The following ATN1 variants were observed in gnomAD, a reference collection of about 807,000 sequenced individuals.
ATN1 encodes atrophin 1, also known as atrophin-1.
ATN1 carries 19 observed loss-of-function variants against 85.8 expected under a neutral mutation model. That is an observed-to-expected ratio of 0.22 (90% CI 0.15 to 0.32). The LOEUF is 0.32. Ranked by LOEUF, ATN1 falls within the 10% of genes least tolerant of loss-of-function variation. The pLI is 1.00. For missense variants in ATN1, 1,453 were observed against 1,564.5 expected, an observed-to-expected ratio of 0.93 and a Z score of 1.20; for synonymous variants, 674 against 657.0, an observed-to-expected ratio of 1.03 and a Z score of -0.39.
rs1373997480 is a variant in ATN1 at position 6,937,815 on chromosome 12, C to A, written c.2295-30C>A. On this transcript the variant is annotated intron_variant, in intron 5 of 9. Transcript: ENST00000396684. The surrounding 1 kb of genome is among the most constrained non-coding windows in gnomAD (Gnocchi z 6.0). ...GGCTCCATCGGGCAGCTCGCACCGCCTGAGCGCCCGCTGCTTCCACGCCCG... is the reference window on the plus strand; with the variant it reads ...GGCTCCATCGGGCAGCTCGCACCGCATGAGCGCCCGCTGCTTCCACGCCCG... The A allele has an allele frequency of 2.0e-6, 3 of 1,527,248 alleles. No homozygotes were observed. The African/African-American group carries it at 4.2e-5, about 21-fold the overall frequency. The allele number at this position is 1,527,248 out of a possible 1,614,324, so 94.6% of individuals were successfully genotyped here. A position where few individuals can be genotyped will look rare whatever the true frequency, so the allele number is the denominator to read the frequency against.
upstream of ATN1, among the ~76,000 whole-genome samples, chr12:6,924,716 T>C (rs1158946726): frequency 1.3e-5 from 2 of 151,728 alleles, no homozygotes; most frequent in African/African-American, 4.9e-5. Context: ...TTAGTTTCAG[T>C]GTGGGCATCT....
intron 7 of ATN1, among the ~76,000 whole-genome samples, chr12:6,940,007 G>A (rs1945612689): frequency 6.6e-6 from 1 of 152,248 alleles, no homozygotes; most frequent in Non-Finnish European, 1.5e-5. Flanking sequence ...TTTTGAGACG[G>A]AGTCTCGCCC....
chr12:6,930,464 C>T (rs1555142949), intron 1 of ATN1, among the ~76,000 whole-genome samples: 1 of 152,144 alleles, frequency 6.6e-6, no homozygotes, highest in Non-Finnish European at 1.5e-5. Flanking sequence ...TTCTCACTTT[C>T]CTCCCAACCC....
chr12:6,927,334 C>T (rs1314646845), upstream of ATN1, among the ~76,000 whole-genome samples: 1 of 151,970 alleles, frequency 6.6e-6, no homozygotes, highest in African/African-American at 2.4e-5. Flanking sequence ...ATCCCTCACC[C>T]CAAGCTTCTC....
In ATN1 at chr12:6,937,162, C is replaced by G. The variant is rs942966440; in HGVS notation, c.1895C>G (p.Ser632Cys). 2 of 1,611,164 alleles carry G rather than the reference C, an allele frequency of 1.2e-6. No homozygotes were observed. Among genetic ancestry groups the G allele is most frequent in the Admixed American group, 1.7e-5 (1 of 59,996 alleles). Residue 632 changes from serine to cysteine, a missense_variant, in exon 5 of 10, where the codon TCC (serine) becomes TGC (cysteine). Around this residue, in one of 6 missense-constraint regions of ATN1, gnomAD observed 990 missense variants for 914.8 expected, o/e 1.08. Coordinates refer to ENST00000396684, the MANE Select transcript of ATN1 (RefSeq NM_001940.4). This position sits in a 1 kb window ranked among gnomAD's most constrained non-coding sequence, Gnocchi z 6.0. Reference protein sequence around the residue: ...ASSPAGYKTASPPGPPPYGKR... With the variant: ...ASSPAGYKTACPPGPPPYGKR... ...TCGCCAGCAGGCTACAAAACGGCCT[C>G]CCCACCTGGGCCCCCACCGTACGGA... is the stretch of plus-strand genomic sequence containing the variant.
chr12:6,926,120 G>A (rs1331609201), upstream of ATN1, among the ~76,000 whole-genome samples: 1 of 152,202 alleles, frequency 6.6e-6, no homozygotes, highest in Admixed American at 6.5e-5. Flanking sequence ...GACTGCCAGA[G>A]GCTACCTGGA....
At position 6,935,049 on chromosome 12, in the gene ATN1, G is replaced by A. The variant is rs373404461; in HGVS notation, c.279+471G>A. Among the ~76,000 whole-genome samples the A allele has an allele frequency of 9.2e-5, 14 of 152,060 alleles. No homozygotes were observed. Among genetic ancestry groups the A allele is most frequent in the Non-Finnish European group, 1.6e-4 (11 of 68,022 alleles). ...ATTATAGGCATGAGCCACCATGCCC[G>A]GCTAATTTTTGTATTTTTGGTAGAG... On this transcript the variant is annotated intron_variant, in intron 4 of 9. Transcript: ENST00000396684. This position sits in a 1 kb window ranked among gnomAD's most constrained non-coding sequence, Gnocchi z 5.3.
chr12:6,932,834 C>T (rs1379209620), intron 1 of ATN1, among the ~76,000 whole-genome samples: 1 of 152,126 alleles, frequency 6.6e-6, no homozygotes, highest in Non-Finnish European at 1.5e-5. Flanking sequence ...GGGCTGTGTT[C>T]CTTTGTATTA....
At chr12:6,939,669 T>A (rs1555144410) in intron 7 of ATN1, among the ~76,000 whole-genome samples, 2 of 152,120 alleles carry the variant, frequency 1.3e-5, no homozygotes, top group Non-Finnish European at 2.9e-5. Flanking sequence ...ACCTGGCTAC[T>A]TTTTGTATTT....
Position 6,936,267 on chromosome 12 carries a change from G to T in ATN1, c.1000G>T (p.Ala334Ser), listed in dbSNP as rs782242861. Residue 334 changes from alanine (A) to serine (S), a missense_variant, in exon 5 of 10, where the codon GCC (alanine) becomes TCC (serine). This residue lies in a region of ATN1 where 990 missense variants were observed against 914.8 expected (regional missense o/e 1.08). Coordinates refer to ENST00000396684, the MANE Select transcript of ATN1 (RefSeq NM_001940.4). ...PLPGHLPSPH[A>S]MGQGMGGLPP... ...ACCTGGTCATCTGCCCTCTCCCCAC[G>T]CCATGGGACAGGGTATGGGTGGACT... The T allele has an allele frequency of 8.1e-6, 13 of 1,611,450 alleles. No individual in the cohort carries two copies. In the South Asian group the frequency reaches 1.3e-4, roughly 16 times the overall value.
intron 6 of ATN1, 102 bp from the exon 7 acceptor site, chr12:6,938,379 A>G (rs1305160319): frequency 2.1e-6 from 3 of 1,433,676 alleles, no homozygotes; most frequent in Non-Finnish European, 2.8e-6. Flanking sequence ...CAATGAGTTG[A>G]GGCATTTTGG....
chr12:6,939,059 G>A lies in ATN1; in HGVS notation c.3096G>A (p.Ala1032=), dbSNP rs373938571. The change falls in exon 7 of 10, where the codon GCG becomes GCA. Residue 1032 remains alanine, a synonymous_variant. Coordinates refer to ENST00000396684, the MANE Select transcript of ATN1 (RefSeq NM_001940.4). ...AGAGGCAGCACGCAGAAAGGGTGGC[G>A]GCCCTGGGCAATGACCCACTGGCCC... ...AAERQHAERV[A]ALGNDPLARL... is the part of the protein sequence containing the mutation. 3.8e-4 allele frequency: 603 copies of A among 1,605,290 alleles called. 2 individuals are homozygous for A. The highest frequency in any genetic ancestry group is 4.9e-4 in the Non-Finnish European group (577 of 1,179,962).
chr12:6,931,559 CA>C (rs1282634557), intron 1 of ATN1, among the ~76,000 whole-genome samples: 1 of 150,106 alleles, frequency 6.7e-6, no homozygotes, highest in Non-Finnish European at 1.5e-5. Context: ...ACTAAAAATA[CA>C]AAAATTAGCC....
At chr12:6,932,578 T>C (rs906357584) in intron 1 of ATN1, among the ~76,000 whole-genome samples, 1 of 152,198 alleles carries the variant, frequency 6.6e-6, no homozygotes, top group Admixed American at 6.5e-5. Context: ...GATAGACAGA[T>C]ACGGATGGAT....
Position 6,938,468 on chromosome 12 carries a change from C to G in ATN1, c.2518-13C>G, listed in dbSNP as rs200231300. The G allele has an allele frequency of 1.9e-5, 30 of 1,593,612 alleles. No individual in the cohort carries two copies. Among genetic ancestry groups the G allele is most frequent in the Non-Finnish European group, 2.5e-5 (29 of 1,165,448 alleles). On this transcript the variant is annotated splice_polypyrimidine_tract_variant and intron_variant, in intron 6 of 9. Coordinates refer to ENST00000396684, the MANE Select transcript of ATN1 (RefSeq NM_001940.4). Reference sequence around the variant, plus strand: ...ACTGCCGCTTTGACTCCACTTTTCCCTGTATCCCACAGAAGTTGGCTCAGG... The same window carrying G: ...ACTGCCGCTTTGACTCCACTTTTCCGTGTATCCCACAGAAGTTGGCTCAGG...
In ATN1 at chr12:6,937,870, T is replaced by C; in HGVS notation, c.2320T>C (p.Phe774Leu). 6.3e-7 allele frequency: 1 copy of C among 1,586,368 alleles called. No individual in the cohort carries two copies. Among genetic ancestry groups the C allele is most frequent in the Non-Finnish European group, 8.6e-7 (1 of 1,167,416 alleles). Residue 774 changes from phenylalanine to leucine, a missense_variant, in exon 6 of 10, where the codon TTC becomes CTC. By Grantham distance (22) the Phe-to-Leu change is conservative. Around this residue, in one of 6 missense-constraint regions of ATN1, gnomAD observed 990 missense variants for 914.8 expected, o/e 1.08. Coordinates refer to ENST00000396684, the MANE Select transcript of ATN1 (RefSeq NM_001940.4). This position sits in a 1 kb window ranked among gnomAD's most constrained non-coding sequence, Gnocchi z 6.0. ...ARFNKHLDRG[F>L]NSCARSDLYF... ...GTTCAACAAACACCTGGATCGCGGC[T>C]TCAACTCGTGCGCGCGCAGCGACCT... is the stretch of plus-strand genomic sequence containing the variant.
In ATN1 at chr12:6,936,247, G is replaced by T; in HGVS notation, c.980G>T (p.Gly327Val). The part of the protein sequence containing the change: ...PPGLGAQPLP[G>V]HLPSPHAMGQ... ...GGCCTGGGGGCCCAACCACTACCTG[G>T]TCATCTGCCCTCTCCCCACGCCATG... The change falls in exon 5 of 10, where the codon GGT (glycine) becomes GTT (valine). Residue 327 changes from glycine (G) to valine (V), a missense_variant. Gly to Val is a moderately radical substitution (Grantham distance 109, BLOSUM62 -3). Coordinates refer to ENST00000396684, the MANE Select transcript of ATN1 (RefSeq NM_001940.4). 1 of 1,608,484 alleles carries T rather than the reference G, an allele frequency of 6.2e-7. No individual in the cohort carries two copies. The highest frequency in any genetic ancestry group is 1.7e-5 in the Admixed American group (1 of 59,682).
Position 6,936,272 on chromosome 12 carries a change from G to T in ATN1, c.1005G>T (p.Met335Ile), listed in dbSNP as rs782062831. 2 of 1,612,530 alleles carry T rather than the reference G, an allele frequency of 1.2e-6. No homozygotes were observed. The highest frequency in any genetic ancestry group is 1.7e-6 in the Non-Finnish European group (2 of 1,179,010). Reference sequence around the variant, plus strand: ...GTCATCTGCCCTCTCCCCACGCCATGGGACAGGGTATGGGTGGACTTCCTC... The same window carrying T: ...GTCATCTGCCCTCTCCCCACGCCATTGGACAGGGTATGGGTGGACTTCCTC... ...LPGHLPSPHA[M>I]GQGMGGLPPG... The change falls in exon 5 of 10, where the codon ATG becomes ATT. Residue 335 changes from methionine (M) to isoleucine (I), a missense_variant. Physicochemically the swap from Met to Ile is conservative, Grantham distance 10. This residue lies in a region of ATN1 where 990 missense variants were observed against 914.8 expected (regional missense o/e 1.08). Transcript: ENST00000396684.
rs1945544118 is a variant in ATN1 at position 6,936,751 on chromosome 12, AGCAGCAG to A, written c.1485_1491del (p.Gln495HisfsTer43). ...CAACAGCAGCAGCAGCAGCAGCAGC[AGCAGCAG>A]CAGCAGCAGCAGCAGCATCACGGAA... is the stretch of plus-strand genomic sequence containing the variant. On this transcript the variant is annotated frameshift_variant, in exon 5 of 10. Transcript: ENST00000396684. LOFTEE classifies it high-confidence loss of function. 1 of 1,511,990 alleles carries A rather than the reference AGCAGCAG, an allele frequency of 6.6e-7. No individual in the cohort carries two copies. The highest frequency in any genetic ancestry group is 9.1e-7 in the Non-Finnish European group (1 of 1,101,378). 93.7% of individuals were successfully genotyped at this position (1,511,990 alleles called of 1,614,324 possible).
Sources: allele counts gnomAD v4.1 joint callset (sites outside exome capture counted in the v4.1 genomes callset), GRCh38; gene constraint gnomAD v4.1.1; regional missense constraint gnomAD v4.1.1; non-coding constraint Gnocchi (gnomAD v3.1); transcripts MANE v1.5; gene names NCBI Gene and HGNC (gene_info 2026-07-23, HGNC 2026-07-21).